Variants in TNIK observed in about 807,000 individuals in gnomAD.
The protein encoded by TNIK is TRAF2 and NCK interacting kinase, also known as TRAF2 and NCK-interacting protein kinase.
In TNIK, 49 loss-of-function variants were observed where a neutral mutation model predicts 191.3. That is an observed-to-expected ratio of 0.26 (90% confidence interval 0.20 to 0.32). The LOEUF is 0.32. Among genes scored for constraint, TNIK ranks in the 10% least tolerant of loss-of-function variants. The probability of loss-of-function intolerance (pLI) is 1.00; values close to 1 mark genes in which losing one functional copy is unlikely to be tolerated. For missense variants in TNIK, 1,155 were observed against 1,702.3 expected (o/e 0.68, Z 5.66); for synonymous variants, 594 against 600.9 (o/e 0.99, Z 0.17).
rs539993084 is a variant in TNIK, at chr3:171,140,350, G to A, written c.1332+49C>T. ...GACCCACACCCCAGAGAAGGCTGGT[G>A]CTGGGGTCCCCGGGGGGCCATCAGT... On this transcript the variant is annotated intron_variant, in intron 13 of 32. Transcript: ENST00000436636. 773 of 1,455,410 alleles carry A rather than the reference G, an allele frequency of 5.3e-4. 10 individuals are homozygous for A. The South Asian group carries it at 9.8e-3, about 19-fold the overall frequency. The allele number at this position is 1,455,410 out of a possible 1,614,324, so 90.2% of individuals were successfully genotyped here. A position where few individuals can be genotyped will look rare whatever the true frequency, so the allele number is the denominator to read the frequency against.
chr3:171,268,339 G>A (rs61792446), intron 2 of TNIK, among the ~76,000 whole-genome samples: 30,904 of 151,706 alleles, frequency 0.2, 3,375 homozygotes, highest in South Asian at 0.25. Flanking sequence ...CATCCCCCAC[G>A]TAATATCTGA....
At chr3:171,311,227 T>C (rs1753982219) in intron 2 of TNIK, among the ~76,000 whole-genome samples, 1 of 152,296 alleles carries the variant, frequency 6.6e-6, no homozygotes, top group East Asian at 1.9e-4. Flanking sequence ...TAATACATGA[T>C]GAGAACCTTT....
intron 2 of TNIK, among the ~76,000 whole-genome samples, chr3:171,356,507 T>C (rs1029999800): frequency 1.3e-5 from 2 of 152,192 alleles, no homozygotes; most frequent in African/African-American, 4.8e-5. Context: ...TGAGAAGCAC[T>C]ATATATTGAA....
intron 2 of TNIK, among the ~76,000 whole-genome samples, chr3:171,245,192 G>T (rs765727253): frequency 7.2e-5 from 11 of 152,136 alleles, no homozygotes; most frequent in Non-Finnish European, 2.9e-5. Flanking sequence ...ATAAAACAAA[G>T]ACTTTGAAGT....
intron 7 of TNIK, among the ~76,000 whole-genome samples, chr3:171,188,477 A>G (rs1737636707): frequency 6.6e-6 from 1 of 152,192 alleles, no homozygotes. Context: ...AATGATTTAA[A>G]CTTTTTATTT....
At chr3:171,073,337 A>C (rs1013619498) in intron 28 of TNIK, among the ~76,000 whole-genome samples, 4 of 152,206 alleles carry the variant, frequency 2.6e-5, no homozygotes, top group Admixed American at 2.6e-4. Flanking sequence ...CATATGCAGA[A>C]GAATGAAACT....
rs868347446 is a variant in TNIK at position 171,079,990 on chromosome 3, G to A, written c.3314-338C>T. Among the ~76,000 whole-genome samples, 6 of 152,198 alleles carry A rather than the reference G, an allele frequency of 3.9e-5. 1 individual carries two copies. The highest frequency in any genetic ancestry group is 6.3e-3 in the Middle Eastern group (2 of 316). On this transcript the variant is annotated intron_variant, in intron 27 of 32. Transcript: ENST00000436636. ...CTAACTCTTCAACAGAGTGATCAGA[G>A]TTCCAGAACATTCTAGATCAATCAC...
At chr3:171,455,990 T>C (rs530104484) in intron 1 of TNIK, among the ~76,000 whole-genome samples, 12 of 152,338 alleles carry the variant, frequency 7.9e-5, no homozygotes, top group African/African-American at 2.9e-4. Flanking sequence ...AAGGGATGTA[T>C]GCAAGGCTTT....
intron 29 of TNIK, 39 bp from the exon 30 acceptor site, chr3:171,069,036 G>A: frequency 6.4e-7 from 1 of 1,571,410 alleles, no homozygotes; most frequent in South Asian, 1.2e-5. Flanking sequence ...ATCACTCAAA[G>A]AGGCATCTTA....
intron 2 of TNIK, among the ~76,000 whole-genome samples, chr3:171,241,029 T>C (rs1744906950): frequency 7.0e-6 from 1 of 142,538 alleles, no homozygotes; most frequent in Admixed American, 6.8e-5. Flanking sequence ...TCTTTTTTTT[T>C]CTTTTCTTTT....
intron 2 of TNIK, among the ~76,000 whole-genome samples, chr3:171,293,074 A>G (rs568294018): frequency 6.6e-6 from 1 of 152,250 alleles, no homozygotes; most frequent in South Asian, 2.1e-4. Context: ...CACTTTCAAA[A>G]ACCTTCAAGT....
At chr3:171,259,962 T>C (rs1747387322) in intron 2 of TNIK, among the ~76,000 whole-genome samples, 1 of 152,190 alleles carries the variant, frequency 6.6e-6, no homozygotes, top group Non-Finnish European at 1.5e-5. Context: ...TTAGTTAGCC[T>C]TCTGAATCTC....
intron 3 of TNIK, among the ~76,000 whole-genome samples, chr3:171,227,725 A>AT (rs928622191): frequency 2.0e-5 from 3 of 152,142 alleles, no homozygotes; most frequent in South Asian, 2.1e-4. Flanking sequence ...CTAGAAAACA[A>AT]TTTTTTTCTA....
chr3:171,351,269 A>ATGTGTGTGTGTGTGTGTGTGTG (rs140083535), intron 2 of TNIK, among the ~76,000 whole-genome samples: 24,599 of 146,720 alleles, frequency 0.17, 2,582 homozygotes, highest in East Asian at 0.32. Context: ...ATATATGTAT[A>ATGTGTGTGTGTGTGTGTGTGTG]TATGTGTGTG....
intron 2 of TNIK, among the ~76,000 whole-genome samples, chr3:171,312,080 C>T (rs1257991503): frequency 7.7e-6 from 1 of 129,388 alleles, no homozygotes; most frequent in Non-Finnish European, 1.6e-5. Context: ...TTGCTCTGCA[C>T]TTCCTCAGCT....
At chr3:171,153,423 C>G (rs1018977143) in intron 12 of TNIK, among the ~76,000 whole-genome samples, 1 of 152,160 alleles carries the variant, frequency 6.6e-6, no homozygotes, top group African/African-American at 2.4e-5. Context: ...TGTACTACTA[C>G]TATTACTGTT....
chr3:171,198,809 T>C (rs181400059), intron 4 of TNIK, among the ~76,000 whole-genome samples: 14 of 152,244 alleles, frequency 9.2e-5, no homozygotes. Flanking sequence ...CAAAGAAACA[T>C]CTTTTGATAG....
At chr3:171,324,402 G>A (rs1473968994) in intron 2 of TNIK, among the ~76,000 whole-genome samples, 2 of 152,136 alleles carry the variant, frequency 1.3e-5, no homozygotes, top group Admixed American at 6.5e-5. Flanking sequence ...GAGAGAAGCA[G>A]CAACTGGAAT....
At chr3:171,312,294 T>C (rs1194915781) in intron 2 of TNIK, among the ~76,000 whole-genome samples, 1 of 151,954 alleles carries the variant, frequency 6.6e-6, no homozygotes, top group Non-Finnish European at 1.5e-5. Flanking sequence ...TCTGTGTTTT[T>C]CTAATTCTTC....
Sources: allele counts gnomAD v4.1 joint callset (sites outside exome capture counted in the v4.1 genomes callset), GRCh38; gene constraint gnomAD v4.1.1; transcripts MANE v1.5; gene names NCBI Gene and HGNC (gene_info 2026-07-23, HGNC 2026-07-21).